NREP: variants seen among roughly 807,000 people sequenced by gnomAD.
NREP encodes neuronal regeneration related protein.
Under a neutral mutation model 8.6 loss-of-function variants are expected in NREP, and 5 were observed. The ratio of observed to expected loss-of-function variants is 0.58; its 90% CI spans 0.30 to 1.22. NREP has a LOEUF of 1.22. Ranked by LOEUF, NREP falls within the 50% of genes most tolerant of loss-of-function variation. The pLI, the probability that NREP is intolerant of heterozygous loss-of-function variation, is 0.07. For missense variants in NREP, 86 were observed against 82.5 expected (o/e 1.04, Z -0.17); for synonymous variants, 27 against 28.0 (o/e 0.96, Z 0.11).
intron 2 of NREP, among the ~76,000 whole-genome samples, chr5:111,793,112 A>G (rs1005336605): frequency 4.6e-5 from 7 of 152,316 alleles, no homozygotes; most frequent in African/African-American, 1.4e-4. Flanking sequence ...GTAAATTCAA[A>G]TGAAACATGG....
intron 2 of NREP, among the ~76,000 whole-genome samples, chr5:111,965,051 G>C (rs1756603873): frequency 6.6e-6 from 1 of 151,958 alleles, no homozygotes; most frequent in Non-Finnish European, 1.5e-5. Flanking sequence ...CTTCCACTGT[G>C]CCATCCTTAG....
intron 2 of NREP, among the ~76,000 whole-genome samples, chr5:111,855,572 AG>A (rs1397684520): frequency 6.6e-6 from 1 of 152,186 alleles, no homozygotes; most frequent in African/African-American, 2.4e-5. Flanking sequence ...TGAAGCCAGC[AG>A]GGCCCTGACT....
intron 2 of NREP, among the ~76,000 whole-genome samples, chr5:111,784,047 T>C (rs1751554656): frequency 6.6e-6 from 1 of 152,156 alleles, no homozygotes; most frequent in African/African-American, 2.4e-5. Flanking sequence ...AGTTGATATA[T>C]ATGTGGGGTA....
intron 2 of NREP, among the ~76,000 whole-genome samples, chr5:111,886,462 C>A (rs988288559): frequency 6.6e-6 from 1 of 152,030 alleles, no homozygotes; most frequent in African/African-American, 2.4e-5. Flanking sequence ...CCCAGCCATC[C>A]CATTACTGAG....
intron 2 of NREP, among the ~76,000 whole-genome samples, chr5:111,974,664 T>A (rs1756912457): frequency 6.6e-6 from 1 of 152,230 alleles, no homozygotes; most frequent in Non-Finnish European, 1.5e-5. Flanking sequence ...CATCTTCCTA[T>A]AAAACTCATC....
At chr5:111,884,726 C>T (rs1581190422) in intron 2 of NREP, among the ~76,000 whole-genome samples, 1 of 152,174 alleles carries the variant, frequency 6.6e-6, no homozygotes, top group African/African-American at 2.4e-5. Context: ...ACAAAAACCA[C>T]ATGATTATCT....
intron 2 of NREP, among the ~76,000 whole-genome samples, chr5:111,891,565 A>G (rs1754394884): frequency 6.6e-6 from 1 of 152,216 alleles, no homozygotes; most frequent in Non-Finnish European, 1.5e-5. Context: ...GCACTGCTAT[A>G]AAGAAATAAC....
At chr5:111,898,735 C>A (rs1176458188) in intron 2 of NREP, among the ~76,000 whole-genome samples, 1 of 152,132 alleles carries the variant, frequency 6.6e-6, no homozygotes, top group African/African-American at 2.4e-5. Context: ...CAGATATATG[C>A]AGCTCAAGAA....
chr5:111,955,594 A>AG (rs1756293458), intron 2 of NREP, among the ~76,000 whole-genome samples: 1 of 152,150 alleles, frequency 6.6e-6, no homozygotes, highest in Non-Finnish European at 1.5e-5. Flanking sequence ...AGTCTGTGTA[A>AG]GGGGAACTTC....
intron 2 of NREP, among the ~76,000 whole-genome samples, chr5:111,773,625 A>T (rs1751288563): frequency 6.6e-6 from 1 of 152,282 alleles, no homozygotes; most frequent in Non-Finnish European, 1.5e-5. Flanking sequence ...TATAATCAAA[A>T]TTTTCACGCA....
upstream of NREP, among the ~76,000 whole-genome samples, chr5:111,760,211 G>A (rs1750930263): frequency 6.6e-6 from 1 of 152,194 alleles, no homozygotes; most frequent in Admixed American, 6.5e-5. Context: ...CCCATCAGAT[G>A]CCTGTAGGAA....
intron 2 of NREP, among the ~76,000 whole-genome samples, chr5:111,950,327 G>C (rs1457451926): frequency 6.6e-6 from 1 of 152,072 alleles, no homozygotes; most frequent in African/African-American, 2.4e-5. Context: ...ATGGTGCTGG[G>C]AAAACTAGCT....
intron 2 of NREP, among the ~76,000 whole-genome samples, chr5:111,792,727 G>A (rs1221577185): frequency 6.6e-6 from 1 of 152,142 alleles, no homozygotes; most frequent in Admixed American, 6.5e-5. Context: ...AAAGAAGAGA[G>A]AAGAAAAGAC....
chr5:111,764,726 T>C (rs1316982322), intron 2 of NREP, among the ~76,000 whole-genome samples: 1 of 152,180 alleles, frequency 6.6e-6, no homozygotes, highest in Non-Finnish European at 1.5e-5. Flanking sequence ...GGTTTTTCTT[T>C]TCAAATGTTA....
chr5:111,775,941 G>A (rs571616856), intron 2 of NREP, among the ~76,000 whole-genome samples: 3 of 152,196 alleles, frequency 2.0e-5, no homozygotes, highest in Admixed American at 2.0e-4. Context: ...TTGCACTTAT[G>A]AAAATATTCA....
intron 2 of NREP, among the ~76,000 whole-genome samples, chr5:111,770,553 CCTTTT>C (rs1751193242): frequency 1.0e-5 from 1 of 99,026 alleles, no homozygotes; most frequent in Non-Finnish European, 2.1e-5. Flanking sequence ...AGAATTATTT[CCTTTT>C]TTTTTTTTTT....
intron 2 of NREP, among the ~76,000 whole-genome samples, chr5:111,924,794 C>T (rs929082558): frequency 3.9e-5 from 6 of 152,046 alleles, no homozygotes; most frequent in Admixed American, 1.3e-4. Context: ...ACCAGTATAG[C>T]AGTTATAGCC....
At chr5:111,898,451 C>T (rs571737571) in intron 2 of NREP, among the ~76,000 whole-genome samples, 7 of 152,048 alleles carry the variant, frequency 4.6e-5, no homozygotes, top group African/African-American at 7.2e-5. Context: ...GACGGGGAAA[C>T]GTAAATGTAC....
intron 2 of NREP, among the ~76,000 whole-genome samples, chr5:111,943,431 C>T (rs1002994408): frequency 1.3e-5 from 2 of 152,012 alleles, no homozygotes; most frequent in Non-Finnish European, 2.9e-5. Flanking sequence ...GGTGAAGAGT[C>T]CATGTCATCA....
Sources: gnomAD v4.1 joint callset for allele counts (sites outside exome capture counted in the v4.1 genomes callset) on GRCh38, gnomAD v4.1.1 for gene constraint, MANE v1.5 for transcripts, NCBI Gene and HGNC (gene_info 2026-07-23, HGNC 2026-07-21) for gene names.